Variants in FER1L5 observed in about 807,000 individuals in gnomAD.
FER1L5 encodes fer-1 like family member 5.
Under a neutral mutation model 279.9 loss-of-function variants are expected in FER1L5, and 187 were observed. The observed-to-expected ratio is 0.67, with a 90% CI of 0.59 to 0.75. FER1L5 has a LOEUF of 0.75. Among genes scored for constraint, FER1L5 ranks in the 30% least tolerant of loss-of-function variants. The pLI is 0.00. For missense variants in FER1L5, 2,091 were observed against 2,594.4 expected (o/e 0.81, Z 4.21); for synonymous variants, 921 against 989.7 (o/e 0.93, Z 1.30).
chr2:96,685,270 T>C (rs2106634203), intron 20 of FER1L5, 59 bp from the exon 21 acceptor site: 2 of 1,454,548 alleles, frequency 1.4e-6, no homozygotes, highest in East Asian at 2.5e-5. Context: ...CCCTGTGGCC[T>C]GTCCAGCTGG....
At position 96,691,198 on chromosome 2, in the gene FER1L5, T is replaced by C; in HGVS notation, c.2752T>C (p.Tyr918His). 6.5e-7 allele frequency: 1 copy of C among 1,547,916 alleles called. No individual in the cohort carries two copies. Among genetic ancestry groups the C allele is most frequent in the South Asian group, 1.2e-5 (1 of 83,808 alleles). The change falls in exon 28 of 53, where the codon TAT becomes CAT. Residue 918 changes from tyrosine to histidine, a missense_variant. By Grantham distance (83) the Tyr-to-His change is moderately conservative. Transcript: ENST00000624922. This position sits in a 1 kb window ranked among gnomAD's most constrained non-coding sequence, Gnocchi z 6.0. ...NHAVDSKGWEYGVGIPPSGLP... is the reference protein window; with the variant it reads ...NHAVDSKGWEHGVGIPPSGLP... Reference sequence around the variant, plus strand: ...TGGTCCACCCACCGCAGGCTGGGAGTATGGAGTGGGGATCCCACCGTCGGG... The same window carrying C: ...TGGTCCACCCACCGCAGGCTGGGAGCATGGAGTGGGGATCCCACCGTCGGG...
chr2:96,680,409 G>A (rs765057333), intron 19 of FER1L5, among the ~76,000 whole-genome samples: 9 of 151,276 alleles, frequency 5.9e-5, no homozygotes, highest in Non-Finnish European at 1.0e-4. Context: ...ATCTCCTTCC[G>A]GAACTCACTC....
Position 96,704,614 on chromosome 2 carries a change from C to A in FER1L5, c.6096C>A (p.Asp2032Glu), listed in dbSNP as rs766088293. The change falls in exon 53 of 53, where the codon GAC (aspartate) becomes GAA (glutamate). Residue 2032 changes from aspartate to glutamate, a missense_variant. By Grantham distance (45) the Asp-to-Glu change is conservative. Coordinates refer to ENST00000624922, the MANE Select transcript of FER1L5 (RefSeq NM_001293083.2). Reference protein sequence around the residue: ...TQDPNLKPTIDHEWKLHPGPT... With the variant: ...TQDPNLKPTIEHEWKLHPGPT... ...ATCCAAACCTAAAGCCTACAATAGA[C>A]CATGAGTGGAAACTCCACCCAGGAC... 1.9e-6 allele frequency: 3 copies of A among 1,613,996 alleles called. No individual in the cohort carries two copies. The highest frequency in any genetic ancestry group is 1.3e-5 in the African/African-American group (1 of 75,042).
chr2:96,702,178 C>A lies in FER1L5; in HGVS notation c.5160-128C>A. ...GGAAGAGAGGAAGCTCTACTGGGAGCTTTCTTCCCCTGAATTCCCCACACT... is the reference window on the plus strand; with the variant it reads ...GGAAGAGAGGAAGCTCTACTGGGAGATTTCTTCCCCTGAATTCCCCACACT... On this transcript the variant is annotated intron_variant, in intron 46 of 52. Transcript: ENST00000624922. The surrounding 1 kb of genome is among the most constrained non-coding windows in gnomAD (Gnocchi z 4.0). 1 of 1,561,144 alleles carries A rather than the reference C, an allele frequency of 6.4e-7. No homozygotes were observed.
intron 31 of FER1L5, 66 bp downstream of exon 31, chr2:96,692,247 T>G: frequency 6.6e-7 from 1 of 1,517,442 alleles, no homozygotes; most frequent in Non-Finnish European, 9.0e-7. Context: ...AGGGTTGTGT[T>G]CCTGCAGCAG....
At chr2:96,659,290 T>TTGCCTGCC (rs1553449027) in intron 9 of FER1L5, among the ~76,000 whole-genome samples, 1 of 80,942 alleles carries the variant, frequency 1.2e-5, no homozygotes, top group African/African-American at 4.9e-5. Flanking sequence ...TTTATCAAGC[T>TTGCCTGCC]TTCCTTCCTT....
intron 44 of FER1L5, 120 bp from the exon 45 acceptor site, chr2:96,700,212 C>T (rs2077540487): frequency 7.7e-6 from 12 of 1,551,098 alleles, no homozygotes; most frequent in Non-Finnish European, 1.0e-5. Flanking sequence ...AGCCAAAGAG[C>T]AGCCCATCCC....
chr2:96,651,033 G>T (rs1558839526), intron 6 of FER1L5, among the ~76,000 whole-genome samples: 1 of 152,176 alleles, frequency 6.6e-6, no homozygotes, highest in Non-Finnish European at 1.5e-5. Flanking sequence ...TCCTTTCAAA[G>T]ATGTCACTCT....
At chr2:96,682,378 C>T (rs1414820922) in intron 19 of FER1L5, among the ~76,000 whole-genome samples, 18 of 152,252 alleles carry the variant, frequency 1.2e-4, no homozygotes, top group Non-Finnish European at 4.4e-5. Flanking sequence ...AGGCGTGAGC[C>T]ACCGCACCCG....
chr2:96,682,346 C>T (rs1173265981), intron 19 of FER1L5, among the ~76,000 whole-genome samples: 2 of 152,254 alleles, frequency 1.3e-5, no homozygotes, highest in East Asian at 3.8e-4. Context: ...CCCGCCTTGG[C>T]CTCCCAAAGT....
At chr2:96,661,269 A>G (rs1233924586) in intron 10 of FER1L5, 56 bp from the exon 11 acceptor site, 3 of 1,282,042 alleles carry the variant, frequency 2.3e-6, no homozygotes, top group Non-Finnish European at 3.2e-6. Context: ...GGCTGGTTTC[A>G]GGGGAGAAGG....
At chr2:96,662,622 A>G (rs2075993921) in intron 13 of FER1L5, among the ~76,000 whole-genome samples, 1 of 152,214 alleles carries the variant, frequency 6.6e-6, no homozygotes, top group African/African-American at 2.4e-5. Context: ...ACGGAATAGC[A>G]TTTTCCAAAG....
intron 32 of FER1L5, 55 bp downstream of exon 32, chr2:96,693,742 AG>A (rs1379426871): frequency 3.3e-5 from 50 of 1,516,760 alleles, no homozygotes; most frequent in Non-Finnish European, 4.1e-5. Flanking sequence ...AGAGTGGCTG[AG>A]GGGATTTATT....
chr2:96,689,886 G>T lies in FER1L5; in HGVS notation c.2640+128G>T. On this transcript the variant is annotated intron_variant, in intron 26 of 52. Transcript: ENST00000624922. The surrounding 1 kb of genome is among the most constrained non-coding windows in gnomAD (Gnocchi z 4.6). ...CCCTGCACTATGTGTGGGGCCCCGG[G>T]TGAGCGCACCAGCCCTCAGGCACTC... is the stretch of plus-strand genomic sequence containing the variant. The T allele has an allele frequency of 1.4e-6, 1 of 691,848 alleles. No homozygotes were observed. The highest frequency in any genetic ancestry group is 2.4e-6 in the Non-Finnish European group (1 of 412,898). The allele number at this position is 691,848 out of a possible 1,614,324, so 42.9% of individuals were successfully genotyped here.
chr2:96,697,553 TG>T lies in FER1L5; in HGVS notation c.4113del (p.Trp1371CysfsTer31), dbSNP rs2077426461. The T allele has an allele frequency of 6.2e-7, 1 of 1,613,670 alleles. No homozygotes were observed. The highest frequency in any genetic ancestry group is 1.3e-5 in the African/African-American group (1 of 74,924). ...CCTAGGCTACCTCTACAGAAAGTTCTGGTTCAAGTCCAGTAAAGCAGAGGTG... is the reference window on the plus strand; with the variant it reads ...CCTAGGCTACCTCTACAGAAAGTTCTGTTCAAGTCCAGTAAAGCAGAGGTG... ...DFLGYLYRKF[W>X]FKSSKAEDEY... On this transcript the variant is annotated frameshift_variant, in exon 38 of 53. Transcript: ENST00000624922. LOFTEE classifies it high-confidence loss of function.
intron 14 of FER1L5, among the ~76,000 whole-genome samples, chr2:96,666,561 C>G (rs567902559): frequency 6.6e-6 from 1 of 152,044 alleles, no homozygotes; most frequent in Non-Finnish European, 1.5e-5. Context: ...AGAAGAGGCC[C>G]CAGCTGAGAG....
chr2:96,703,004 G>A lies in FER1L5; in HGVS notation c.5424G>A (p.Thr1808=), dbSNP rs1470506516. The change falls in exon 49 of 53, where the codon ACG becomes ACA. Residue 1808 remains threonine (T), a synonymous_variant. Transcript: ENST00000624922. ...QKDYIWSLDA[T]SMKFPARLII... ...ATTACATATGGAGCCTGGATGCCAC[G>A]TCCATGAAGTTCCCAGCCCGACTTA... 4 of 1,613,076 alleles carry A rather than the reference G, an allele frequency of 2.5e-6. No homozygotes were observed. In the East Asian group the frequency reaches 6.7e-5, roughly 27 times the overall value.
At chr2:96,676,874 T>C (rs914398919) in intron 19 of FER1L5, among the ~76,000 whole-genome samples, 1 of 152,100 alleles carries the variant, frequency 6.6e-6, no homozygotes, top group Non-Finnish European at 1.5e-5. Context: ...TAAATATTTT[T>C]GGGACGGAGT....
Position 96,701,941 on chromosome 2 carries a change from T to A in FER1L5, c.5071-14T>A, listed in dbSNP as rs755101131. ...GCTAGCAACCCCCAACCAGTCAATG[T>A]ATCCCGGCTCTAGGGAAAGGTGCAA... On this transcript the variant is annotated splice_polypyrimidine_tract_variant and intron_variant, in intron 45 of 52. Transcript: ENST00000624922. The A allele has an allele frequency of 6.2e-7, 1 of 1,613,552 alleles. No homozygotes were observed.
Sources: allele counts gnomAD v4.1 joint callset (sites outside exome capture counted in the v4.1 genomes callset), GRCh38; gene constraint gnomAD v4.1.1; non-coding constraint Gnocchi (gnomAD v3.1); transcripts MANE v1.5; gene names NCBI Gene and HGNC (gene_info 2026-07-23, HGNC 2026-07-21).